The following ACAD10 variants were observed in gnomAD, a reference collection of about 807,000 sequenced individuals.
ACAD10 encodes acyl-CoA dehydrogenase family member 10, also known as ACAD-10.
ACAD10 carries 112 observed loss-of-function variants against 116.8 expected under a neutral mutation model. That is an observed-to-expected ratio of 0.96 (90% CI 0.82 to 1.12). The LOEUF (loss-of-function observed/expected upper bound fraction) is 1.12. Ranked by LOEUF, ACAD10 falls within the 50% of genes most tolerant of loss-of-function variation. The pLI is 0.00. For missense variants in ACAD10, 1,259 were observed against 1,350.2 expected (o/e 0.93, Z 1.06); for synonymous variants, 486 against 510.6 (o/e 0.95, Z 0.65).
chr12:111,751,994 G>T (rs1890083761), intron 18 of ACAD10, among the ~76,000 whole-genome samples: 1 of 151,048 alleles, frequency 6.6e-6, no homozygotes, highest in Non-Finnish European at 1.5e-5. Context: ...GGAGGTGGAG[G>T]TTGCGGTGAG....
At chr12:111,702,027 T>A in intron 2 of ACAD10, 135 bp from the exon 3 acceptor site, 1 of 893,472 alleles carries the variant, frequency 1.1e-6, no homozygotes, top group Non-Finnish European at 1.7e-6. Context: ...ATTTTGTGAA[T>A]GTCTGCAAAT....
At chr12:111,708,225 G>C (rs1241129559) in intron 4 of ACAD10, among the ~76,000 whole-genome samples, 3 of 152,166 alleles carry the variant, frequency 2.0e-5, no homozygotes, top group East Asian at 1.9e-4. Flanking sequence ...GAGAAGGCTA[G>C]AGATCTTATC....
Position 111,749,259 on chromosome 12 carries a change from C to A in ACAD10, c.2731C>A (p.Gln911Lys), listed in dbSNP as rs376700690. 3.4e-5 allele frequency: 55 copies of A among 1,614,024 alleles called. No homozygotes were observed. The highest frequency in any genetic ancestry group is 4.3e-5 in the Non-Finnish European group (51 of 1,180,040). ...LGPGRGFEIAQGRLGPGRIHH... is the reference protein window; with the variant it reads ...LGPGRGFEIAKGRLGPGRIHH... ...CCCTGGCCGAGGCTTTGAGATCGCC[C>A]AGGGCAGACTGGGCCCCGGCAGGAT... Residue 911 changes from glutamine (Q) to lysine (K), a missense_variant, in exon 18 of 21, where the codon CAG becomes AAG. Transcript: ENST00000313698.
chr12:111,741,668 G>A (rs75454591), intron 12 of ACAD10, among the ~76,000 whole-genome samples: 2,378 of 152,194 alleles, frequency 0.016, 72 homozygotes, highest in African/African-American at 0.054. Flanking sequence ...GTTTTCTCAT[G>A]TAAAAACAAC....
At position 111,715,829 on chromosome 12, in the gene ACAD10, G is replaced by A; in HGVS notation, c.859G>A (p.Glu287Lys). 2 of 1,614,190 alleles carry A rather than the reference G, an allele frequency of 1.2e-6. No homozygotes were observed. The highest frequency in any genetic ancestry group is 1.7e-6 in the Non-Finnish European group (2 of 1,180,024). Reference protein sequence around the residue: ...LLGIQTTGPLELLQFDHGQSN... With the variant: ...LLGIQTTGPLKLLQFDHGQSN... ...TGTTTTCAAACTTGCAGGCCCATTG[G>A]AACTACTTCAGTTTGATCACGGGCA... is the stretch of plus-strand genomic sequence containing the variant. Residue 287 changes from glutamate (E) to lysine (K), a missense_variant, in exon 7 of 21, where the codon GAA becomes AAA. Glu to Lys is a moderately conservative substitution (Grantham distance 56, BLOSUM62 1). Transcript: ENST00000313698.
At position 111,746,261 on chromosome 12, in the gene ACAD10, G is replaced by C. The variant is rs1264313958; in HGVS notation, c.2233G>C (p.Gly745Arg). ...VEYAHLCELMGTSLYAPEVCN... is the reference protein window; with the variant it reads ...VEYAHLCELMRTSLYAPEVCN... ...ATATGCACATCTGTGTGAGCTCATG[G>C]GCACGTCCCTGTATGCCCCCGAGGT... is the stretch of plus-strand genomic sequence containing the variant. Residue 745 changes from glycine (G) to arginine (R), a missense_variant, in exon 14 of 21, where the codon GGC (glycine) becomes CGC (arginine). Coordinates refer to ENST00000313698, the MANE Select transcript of ACAD10 (RefSeq NM_025247.6). 1 of 1,613,058 alleles carries C rather than the reference G, an allele frequency of 6.2e-7. No homozygotes were observed. Among genetic ancestry groups the C allele is most frequent in the East Asian group, 2.2e-5 (1 of 44,826 alleles).
chr12:111,752,384 A>C (rs904189369), intron 18 of ACAD10, among the ~76,000 whole-genome samples: 2 of 151,678 alleles, frequency 1.3e-5, no homozygotes, highest in African/African-American at 4.9e-5. Context: ...CAGGCAGATC[A>C]CCTGAGGTCA....
intron 9 of ACAD10, among the ~76,000 whole-genome samples, chr12:111,728,814 T>C (rs1889302635): frequency 6.6e-6 from 1 of 152,058 alleles, no homozygotes; most frequent in Non-Finnish European, 1.5e-5. Flanking sequence ...CTCTCCCTCT[T>C]GAGTAGCTGG....
chr12:111,743,042 C>A (rs541994146), intron 12 of ACAD10, among the ~76,000 whole-genome samples: 29 of 152,328 alleles, frequency 1.9e-4, no homozygotes, highest in African/African-American at 7.0e-4. Flanking sequence ...AAATGGCTGT[C>A]TCTTTAGAAC....
intron 18 of ACAD10, chr12:111,752,804 G>T (rs1030402465): frequency 3.3e-5 from 5 of 149,768 alleles, no homozygotes; most frequent in Non-Finnish European, 5.9e-5. Context: ...TAGTTTTTCT[G>T]CCATGAGATA....
chr12:111,695,186 C>T (rs990227705), intron 2 of ACAD10, among the ~76,000 whole-genome samples: 3 of 152,202 alleles, frequency 2.0e-5, no homozygotes, highest in Admixed American at 2.0e-4. Flanking sequence ...CTATGGACTA[C>T]CTGATGCTCC....
intron 7 of ACAD10, among the ~76,000 whole-genome samples, chr12:111,719,677 T>C (rs999660927): frequency 4.0e-5 from 6 of 151,710 alleles, no homozygotes; most frequent in Admixed American, 2.0e-4. Flanking sequence ...CTCAGCCTCC[T>C]AAGTAGGTAC....
intron 16 of ACAD10, chr12:111,747,632 T>C (rs1285163956): frequency 6.1e-6 from 8 of 1,317,140 alleles, no homozygotes; most frequent in Non-Finnish European, 7.8e-6. Context: ...GATGCCTCCC[T>C]GCACATGTGA....
chr12:111,716,875 T>C (rs1176905515), intron 7 of ACAD10, among the ~76,000 whole-genome samples: 1 of 151,594 alleles, frequency 6.6e-6, no homozygotes, highest in Admixed American at 6.6e-5. Context: ...AACAAAAGAG[T>C]TTGGAAACTA....
intron 19 of ACAD10, among the ~76,000 whole-genome samples, chr12:111,754,730 C>T (rs1566171825): frequency 6.6e-6 from 1 of 152,232 alleles, no homozygotes; most frequent in Non-Finnish European, 1.5e-5. Context: ...ATCACTGTAG[C>T]TCGGTTTCCC....
At chr12:111,749,145 G>T (rs559141215) in intron 17 of ACAD10, 28 bp from the exon 18 acceptor site, 1 of 1,613,320 alleles carries the variant, frequency 6.2e-7, no homozygotes, top group African/African-American at 1.3e-5. Flanking sequence ...TATGGCTATT[G>T]CTCACAGTGA....
In ACAD10 at chr12:111,744,789, T is replaced by C; in HGVS notation, c.1861T>C (p.Trp621Arg). 1 of 1,614,202 alleles carries C rather than the reference T, an allele frequency of 6.2e-7. No homozygotes were observed. Among genetic ancestry groups the C allele is most frequent in the Non-Finnish European group, 8.5e-7 (1 of 1,180,028 alleles). ...TNPLTRSYHTWARPQSQWCPT... is the reference protein window; with the variant it reads ...TNPLTRSYHTRARPQSQWCPT... ...TCCGTTAACAAGGTCCTACCACACG[T>C]GGGCCAGGCCCCAGTCCCAGTGGTG... Residue 621 changes from tryptophan to arginine, a missense_variant, in exon 13 of 21, where the codon TGG becomes CGG. Physicochemically the swap from Trp to Arg is moderately radical, Grantham distance 101. Transcript: ENST00000313698.
chr12:111,715,001 C>T (rs995319006), intron 6 of ACAD10, among the ~76,000 whole-genome samples: 9 of 152,132 alleles, frequency 5.9e-5, no homozygotes, highest in African/African-American at 2.2e-4. Context: ...CATGAGCCTC[C>T]GCACCTGGCC....
chr12:111,693,168 T>C (rs1458901611), intron 2 of ACAD10: 12 of 452,020 alleles, frequency 2.7e-5, no homozygotes. Flanking sequence ...TGGGAAGCAC[T>C]TGCTTAGCAC....
Sources: allele counts gnomAD v4.1 joint callset (sites outside exome capture counted in the v4.1 genomes callset), GRCh38; gene constraint gnomAD v4.1.1; transcripts MANE v1.5; gene names NCBI Gene and HGNC (gene_info 2026-07-23, HGNC 2026-07-21).